The following EDNRA variants were observed in gnomAD, a reference collection of about 807,000 sequenced individuals.
EDNRA encodes the protein endothelin receptor type A.
EDNRA carries 11 observed loss-of-function variants against 41.4 expected under a neutral mutation model. The observed-to-expected ratio is 0.27, with a 90% CI of 0.17 to 0.44. The LOEUF is 0.44. EDNRA is among the 20% of genes least tolerant of loss of function. The pLI is 1.00. For missense variants in EDNRA, 294 were observed against 531.0 expected, an observed-to-expected ratio of 0.55 and a Z score of 4.39; for synonymous variants, 172 against 183.0, an observed-to-expected ratio of 0.94 and a Z score of 0.49.
chr4:147,489,320 A>T (rs1180630629), intron 2 of EDNRA: 3 of 152,136 alleles, frequency 2.0e-5, no homozygotes, highest in African/African-American at 4.8e-5. Context: ...AGTTGCTTTT[A>T]TGCTCAGTTC....
intron 2 of EDNRA, chr4:147,493,842 A>T (rs1239658456): frequency 6.6e-6 from 1 of 152,214 alleles, no homozygotes; most frequent in African/African-American, 2.4e-5. Flanking sequence ...CTGGAAAAAA[A>T]TTAAATAAAT....
At chr4:147,539,158 TATA>T (rs1731015463) in intron 5 of EDNRA, among the ~76,000 whole-genome samples, 1 of 151,818 alleles carries the variant, frequency 6.6e-6, no homozygotes, top group African/African-American at 2.4e-5. Context: ...GCAAACAACA[TATA>T]ATATTTTTAT....
At chr4:147,523,480 G>T (rs56011573) in intron 3 of EDNRA, among the ~76,000 whole-genome samples, 25,183 of 139,610 alleles carry the variant, frequency 0.18, 3,710 homozygotes, top group African/African-American at 0.42. Flanking sequence ...TGTTGTTGTT[G>T]TTTTTTTGTT....
intron 3 of EDNRA, 64 bp downstream of exon 3, chr4:147,520,042 GAA>G: frequency 1.3e-6 from 2 of 1,553,460 alleles, no homozygotes; most frequent in Non-Finnish European, 1.7e-6. Context: ...TCAAAAAGAA[GAA>G]AAGTCAAGAG....
At chr4:147,501,814 T>C (rs1231952701) in intron 2 of EDNRA, among the ~76,000 whole-genome samples, 1 of 152,226 alleles carries the variant, frequency 6.6e-6, no homozygotes, top group Non-Finnish European at 1.5e-5. Flanking sequence ...GCTACAATTG[T>C]AACCATATGC....
Position 147,486,152 on chromosome 4 carries a change from C to T in EDNRA, c.420+51C>T. The T allele has an allele frequency of 1.3e-6, 2 of 1,539,106 alleles. No homozygotes were observed. The highest frequency in any genetic ancestry group is 1.8e-6 in the Non-Finnish European group (2 of 1,142,080). On this transcript the variant is annotated intron_variant, in intron 2 of 7. Transcript: ENST00000651419. The surrounding 1 kb of genome is among the most constrained non-coding windows in gnomAD (Gnocchi z 4.3). ...GCAAATTTAAACCCATGCTCTGATTCCACGTGGAGAGTTGCTGCAGACTTT... is the reference window on the plus strand; with the variant it reads ...GCAAATTTAAACCCATGCTCTGATTTCACGTGGAGAGTTGCTGCAGACTTT...
intron 3 of EDNRA, among the ~76,000 whole-genome samples, chr4:147,526,118 A>G (rs1486397068): frequency 1.3e-5 from 2 of 152,222 alleles, no homozygotes; most frequent in African/African-American, 4.8e-5. Context: ...AAGGCTGGCT[A>G]GGGCAATAGG....
chr4:147,533,871 G>A (rs539067601), intron 4 of EDNRA, among the ~76,000 whole-genome samples: 1 of 152,186 alleles, frequency 6.6e-6, no homozygotes, highest in Non-Finnish European at 1.5e-5. Flanking sequence ...TTCAAGTAAA[G>A]GGTAGCTACC....
At chr4:147,508,327 C>T (rs1261662717) in intron 2 of EDNRA, among the ~76,000 whole-genome samples, 4 of 151,996 alleles carry the variant, frequency 2.6e-5, no homozygotes, top group Non-Finnish European at 4.4e-5. Context: ...TTAGTAGAAA[C>T]GGGGTTTCGC....
At chr4:147,506,711 G>T in intron 2 of EDNRA, 1 of 337,762 alleles carries the variant, frequency 3.0e-6, no homozygotes, top group Admixed American at 3.5e-5. Context: ...ACAAAAACAC[G>T]TGGGAGCTGA....
intron 2 of EDNRA, among the ~76,000 whole-genome samples, chr4:147,500,862 G>T (rs1016193148): frequency 3.3e-5 from 5 of 152,178 alleles, no homozygotes; most frequent in African/African-American, 1.2e-4. Context: ...AGGGAGCATG[G>T]ACTCTCAAAA....
At chr4:147,492,773 T>C (rs1306046759) in intron 2 of EDNRA, 2 of 152,068 alleles carry the variant, frequency 1.3e-5, no homozygotes, top group Non-Finnish European at 2.9e-5. Context: ...AGAATATATG[T>C]ACATATAAAA....
intron 5 of EDNRA, among the ~76,000 whole-genome samples, chr4:147,538,379 A>G (rs969132283): frequency 3.9e-5 from 6 of 152,232 alleles, no homozygotes; most frequent in African/African-American, 1.4e-4. Flanking sequence ...CCAAGTGGCC[A>G]TGTAGATAAT....
At chr4:147,495,653 A>G (rs1578779915) in intron 2 of EDNRA, 1 of 152,252 alleles carries the variant, frequency 6.6e-6, no homozygotes, top group Admixed American at 6.5e-5. Flanking sequence ...GCTCAGAGAA[A>G]TGCATTTTGC....
At chr4:147,499,604 C>G (rs1312303340) in intron 2 of EDNRA, among the ~76,000 whole-genome samples, 1 of 152,154 alleles carries the variant, frequency 6.6e-6, no homozygotes, top group African/African-American at 2.4e-5. Flanking sequence ...TTTTTAAACT[C>G]TTTGTCACAC....
chr4:147,541,025 G>A (rs966586927), intron 7 of EDNRA, among the ~76,000 whole-genome samples: 21 of 125,392 alleles, frequency 1.7e-4, no homozygotes, highest in Admixed American at 4.2e-4. Flanking sequence ...CCGAGATAGC[G>A]CCACTGCACT....
chr4:147,505,091 T>G (rs1318201642), intron 2 of EDNRA, among the ~76,000 whole-genome samples: 1 of 150,564 alleles, frequency 6.6e-6, no homozygotes, highest in Non-Finnish European at 1.5e-5. Context: ...GAAGGGTATA[T>G]GCAGATGACA....
In EDNRA at chr4:147,544,543, AC is replaced by A. The variant is rs1486438254; in HGVS notation, c.*1926del. 6.6e-6 allele frequency: 1 copy of A among 152,658 alleles called. No individual in the cohort carries two copies. The highest frequency in any genetic ancestry group is 2.4e-5 in the African/African-American group (1 of 41,460). 9.5% of individuals were successfully genotyped at this position (152,658 alleles called of 1,614,324 possible). On this transcript the variant is annotated 3_prime_UTR_variant, in exon 8 of 8. Transcript: ENST00000651419. ...GCCATATTTTAGGACAGGTAAAATA[AC>A]ATCAGGTTCCAGTTGCTTGAATTGC...
intron 2 of EDNRA, among the ~76,000 whole-genome samples, chr4:147,509,428 A>C (rs2126428388): frequency 6.6e-6 from 1 of 152,320 alleles, no homozygotes; most frequent in African/African-American, 2.4e-5. Context: ...GAAGGTTCCC[A>C]GGGTTCCCCA....
Sources: gnomAD v4.1 joint callset for allele counts (sites outside exome capture counted in the v4.1 genomes callset) on GRCh38, gnomAD v4.1.1 for gene constraint, Gnocchi (gnomAD v3.1) non-coding constraint, MANE v1.5 for transcripts, NCBI Gene and HGNC (gene_info 2026-07-23, HGNC 2026-07-21) for gene names.